Variants in FXYD6 observed in about 807,000 individuals in gnomAD.
The protein encoded by FXYD6 is FXYD domain-containing ion transport regulator 6.
Under a neutral mutation model 16.7 loss-of-function variants are expected in FXYD6, and 7 were observed. The observed-to-expected ratio is 0.42, with a 90% CI of 0.24 to 0.79. FXYD6 has a LOEUF of 0.79. Among genes scored for constraint, FXYD6 ranks in the 30% least tolerant of loss-of-function variants. FXYD6 has a pLI of 0.28. For synonymous variants in FXYD6, 49 were observed against 43.0 expected, an observed-to-expected ratio of 1.14 and a Z score of -0.54; for missense variants, 111 against 116.2, an observed-to-expected ratio of 0.95 and a Z score of 0.21.
intron 1 of FXYD6, among the ~76,000 whole-genome samples, chr11:117,861,183 C>T (rs2056896369): frequency 6.6e-6 from 1 of 152,222 alleles, no homozygotes; most frequent in Non-Finnish European, 1.5e-5. Flanking sequence ...CTGTGAATGA[C>T]ATCCCCTTTT....
At chr11:117,858,631 T>TTTTCTTTCTTTCCTTCTTTCTTTC (rs2056795386) in intron 1 of FXYD6, among the ~76,000 whole-genome samples, 7 of 106,800 alleles carry the variant, frequency 6.6e-5, no homozygotes, top group South Asian at 3.0e-4. Flanking sequence ...TCATTTTCTT[T>TTTTCTTTCTTTCCTTCTTTCTTTC]TTTCTTTCTT....
At chr11:117,857,417 T>TC (rs1231768807) in intron 1 of FXYD6, among the ~76,000 whole-genome samples, 3 of 150,618 alleles carry the variant, frequency 2.0e-5, no homozygotes, top group Non-Finnish European at 4.4e-5. Flanking sequence ...TGGATTTTTT[T>TC]TTTTTTTTTT....
intron 1 of FXYD6, among the ~76,000 whole-genome samples, chr11:117,867,818 G>A (rs2057042810): frequency 6.6e-6 from 1 of 151,486 alleles, no homozygotes; most frequent in African/African-American, 2.4e-5. Flanking sequence ...TTGTACCTTA[G>A]GATCACATGA....
At chr11:117,858,728 CCTT>C (rs1427619395) in intron 1 of FXYD6, among the ~76,000 whole-genome samples, 2,907 of 53,922 alleles carry the variant, frequency 0.054, 279 homozygotes, top group African/African-American at 0.16. Context: ...TCCTTCCCTT[CCTT>C]CCTTCCTTCC....
chr11:117,855,643 G>T (rs746411950), intron 1 of FXYD6, among the ~76,000 whole-genome samples: 1 of 152,312 alleles, frequency 6.6e-6, no homozygotes, highest in South Asian at 2.1e-4. Context: ...TCTCAGTTCC[G>T]GGCGAGAGAT....
intron 1 of FXYD6, among the ~76,000 whole-genome samples, chr11:117,862,701 T>C (rs948571459): frequency 6.6e-6 from 1 of 151,952 alleles, no homozygotes. Flanking sequence ...TCTAGAAGGG[T>C]TGGGCCCTGA....
intron 1 of FXYD6, among the ~76,000 whole-genome samples, chr11:117,863,566 C>T (rs2056952701): frequency 1.3e-5 from 2 of 151,686 alleles, no homozygotes; most frequent in South Asian, 2.1e-4. Context: ...GCAAGGATAT[C>T]CACTTTCACC....
rs1337117954 is a variant in FXYD6, at chr11:117,872,651, G to GCCCCAT, written c.-6+3935_-6+3940dup. 6.6e-6 allele frequency among the ~76,000 whole-genome samples: 1 copy of GCCCCAT among 152,174 alleles called. No individual in the cohort carries two copies. Among genetic ancestry groups the GCCCCAT allele is most frequent in the Admixed American group, 6.5e-5 (1 of 15,286 alleles). On this transcript the variant is annotated intron_variant, in intron 1 of 7. Transcript: ENST00000526014. The surrounding 1 kb of genome is among the most constrained non-coding windows in gnomAD (Gnocchi z 4.9). ...ACATCAGATATTCTGAGCTGGGGCA[G>GCCCCAT]CCCCATTCCCATGGCCCCAGCCTGG...
chr11:117,852,407 C>T (rs1358076034), intron 1 of FXYD6, among the ~76,000 whole-genome samples: 1 of 152,242 alleles, frequency 6.6e-6, no homozygotes, highest in Non-Finnish European at 1.5e-5. Flanking sequence ...TGGCTATGTA[C>T]ACAATTCTAG....
chr11:117,858,680 TTTCTTTC>T (rs1260999814), intron 1 of FXYD6, among the ~76,000 whole-genome samples: 3 of 88,314 alleles, frequency 3.4e-5, no homozygotes, highest in Non-Finnish European at 6.3e-5. Flanking sequence ...TCTTTCTTTC[TTTCTTTC>T]TTTCTTTCTT....
chr11:117,845,512 C>G (rs2056449073), intron 1 of FXYD6, among the ~76,000 whole-genome samples: 1 of 152,124 alleles, frequency 6.6e-6, no homozygotes, highest in Non-Finnish European at 1.5e-5. Flanking sequence ...CGACATTATG[C>G]TTCTGTGGTT....
In FXYD6 at chr11:117,869,605, G is replaced by A. The variant is rs541400666; in HGVS notation, c.-6+6987C>T. Among the ~76,000 whole-genome samples, 4 of 152,310 alleles carry A rather than the reference G, an allele frequency of 2.6e-5. No individual in the cohort carries two copies. In the East Asian group the frequency reaches 5.8e-4, roughly 22 times the overall value. On this transcript the variant is annotated intron_variant, in intron 1 of 7. Coordinates refer to ENST00000526014, the MANE Select transcript of FXYD6 (RefSeq NM_022003.4). ...CAGGGGACTTATTTTTAACCTGGAG[G>A]CACCTTTATCTTTAACATGAAAACA...
intron 7 of FXYD6, chr11:117,838,495 T>C (rs1430355068): frequency 1.7e-6 from 1 of 597,268 alleles, no homozygotes; most frequent in East Asian, 2.8e-5. Flanking sequence ...AAGGAAATTG[T>C]TAAACCCAGG....
chr11:117,848,672 G>A (rs1372104412), intron 1 of FXYD6, among the ~76,000 whole-genome samples: 2 of 152,092 alleles, frequency 1.3e-5, no homozygotes, highest in East Asian at 3.9e-4. Flanking sequence ...CTTTCTTTGT[G>A]GGAAGATCTT....
At chr11:117,865,631 G>A (rs963562433) in intron 1 of FXYD6, among the ~76,000 whole-genome samples, 1 of 152,066 alleles carries the variant, frequency 6.6e-6, no homozygotes, top group Non-Finnish European at 1.5e-5. Context: ...ACTGTGGTGA[G>A]GTTGAGCATC....
At position 117,847,326 on chromosome 11, in the gene FXYD6, C is replaced by T. The variant is rs191129536; in HGVS notation, c.-5-4545G>A. On this transcript the variant is annotated intron_variant, in intron 1 of 7. Coordinates refer to ENST00000526014, the MANE Select transcript of FXYD6 (RefSeq NM_022003.4). Reference sequence around the variant, plus strand: ...TATTGTTCCTTCTTTCTAATTCTCACGCTGTTTATTTCTATTTTTTTTTAG... The same window carrying T: ...TATTGTTCCTTCTTTCTAATTCTCATGCTGTTTATTTCTATTTTTTTTTAG... Among the ~76,000 whole-genome samples, 941 of 151,816 alleles carry T rather than the reference C, an allele frequency of 6.2e-3. 8 individuals are homozygous for T. The highest frequency in any genetic ancestry group is 0.022 in the African/African-American group (902 of 41,300).
At position 117,870,664 on chromosome 11, in the gene FXYD6, C is replaced by T. The variant is rs1393021306; in HGVS notation, c.-6+5928G>A. Among the ~76,000 whole-genome samples the T allele has an allele frequency of 6.6e-6, 1 of 152,190 alleles. No homozygotes were observed. Among genetic ancestry groups the T allele is most frequent in the Admixed American group, 6.5e-5 (1 of 15,290 alleles). On this transcript the variant is annotated intron_variant, in intron 1 of 7. Coordinates refer to ENST00000526014, the MANE Select transcript of FXYD6 (RefSeq NM_022003.4). The surrounding 1 kb of genome is among the most constrained non-coding windows in gnomAD (Gnocchi z 4.2). ...GAAGTGGCATGAAGATGAACCCTGA[C>T]CCACGGGCCTGGATACCCAGAAATG...
intron 4 of FXYD6, among the ~76,000 whole-genome samples, chr11:117,841,410 G>A (rs1322917878): frequency 6.6e-6 from 1 of 152,124 alleles, no homozygotes; most frequent in African/African-American, 2.4e-5. Context: ...TCTTGATCAT[G>A]TGAGTAAAGA....
chr11:117,842,615 A>G (rs2056375862), intron 2 of FXYD6, 104 bp downstream of exon 2: 2 of 1,170,742 alleles, frequency 1.7e-6, no homozygotes, highest in Non-Finnish European at 2.5e-6. Flanking sequence ...GAAGAACGTG[A>G]GAGTCCCCCA....
Sources: allele counts gnomAD v4.1 joint callset (sites outside exome capture counted in the v4.1 genomes callset), GRCh38; gene constraint gnomAD v4.1.1; non-coding constraint Gnocchi (gnomAD v3.1); transcripts MANE v1.5; gene names NCBI Gene and HGNC (gene_info 2026-07-23, HGNC 2026-07-21).